The following PEG3 variants were observed in gnomAD, a reference collection of about 807,000 sequenced individuals.
PEG3 encodes paternally-expressed gene 3 protein.
Under a neutral mutation model 35.5 loss-of-function variants are expected in PEG3, and 23 were observed. That is an observed-to-expected ratio of 0.65 (90% CI 0.47 to 0.92). The LOEUF (loss-of-function observed/expected upper bound fraction) is 0.92. Ranked by LOEUF, PEG3 falls within the 40% of genes least tolerant of loss-of-function variation. PEG3 has a pLI of 0.00. For synonymous variants in PEG3, 707 were observed against 697.0 expected, an observed-to-expected ratio of 1.01 and a Z score of -0.23; for missense variants, 1,960 against 1,985.3, an observed-to-expected ratio of 0.99 and a Z score of 0.24.
At chr19:56,826,916 G>T (rs1347081649) in intron 2 of PEG3, among the ~76,000 whole-genome samples, 1 of 152,122 alleles carries the variant, frequency 6.6e-6, no homozygotes, top group Non-Finnish European at 1.5e-5. Context: ...TAACAGACAT[G>T]AATTGAAGCA....
chr19:56,827,047 A>G (rs552771142), intron 2 of PEG3, among the ~76,000 whole-genome samples: 2 of 152,326 alleles, frequency 1.3e-5, no homozygotes, highest in East Asian at 1.9e-4. Flanking sequence ...GCAGAGAAAA[A>G]TATGACCACT....
chr19:56,817,440 T>C lies in PEG3; in HGVS notation c.1002A>G (p.Ser334=). 3 of 1,614,136 alleles carry C rather than the reference T, an allele frequency of 1.9e-6. No homozygotes were observed. Among genetic ancestry groups the C allele is most frequent in the Non-Finnish European group, 2.5e-6 (3 of 1,179,974 alleles). The change falls in exon 10 of 10, where the codon TCA becomes TCG. Residue 334 remains serine, a synonymous_variant. Coordinates refer to ENST00000326441, the MANE Select transcript of PEG3 (RefSeq NM_006210.3). ...TGGGGAATCTCTGTGACCGGTCGCT[T>C]GACTCCCTTGCTCTTCCCGATTTGG... ...RSSKSGRARE[S]SDRSQRFPRM... is the part of the protein sequence containing the mutation.
intron 2 of PEG3, 148 bp downstream of exon 2, chr19:56,835,870 C>A (rs890564347): frequency 5.9e-6 from 2 of 341,224 alleles, no homozygotes; most frequent in Non-Finnish European, 1.2e-5. Flanking sequence ...ACACAATCCA[C>A]CAGAAGAGTC....
chr19:56,818,105 C>A (rs1412354337), intron 8 of PEG3, among the ~76,000 whole-genome samples: 1 of 152,214 alleles, frequency 6.6e-6, no homozygotes, highest in African/African-American at 2.4e-5. Context: ...TTTTAGTCTT[C>A]ACCTTCTTGT....
chr19:56,834,545 C>A, intron 2 of PEG3, among the ~76,000 whole-genome samples: 1 of 152,162 alleles, frequency 6.6e-6, no homozygotes, highest in East Asian at 1.9e-4. Context: ...AATTAATAAA[C>A]CAGAATTGTG....
intron 1 of PEG3, among the ~76,000 whole-genome samples, chr19:56,836,890 A>T (rs2062173506): frequency 6.7e-6 from 1 of 148,292 alleles, no homozygotes; most frequent in African/African-American, 2.5e-5. Context: ...GAATCACTTG[A>T]ACCCGGGAGG....
chr19:56,810,513 G>A lies in PEG3; in HGVS notation c.*3162C>T, dbSNP rs2048056841. 1.0e-5 allele frequency: 10 copies of A among 984,566 alleles called. No individual in the cohort carries two copies. The highest frequency in any genetic ancestry group is 1.2e-5 in the Non-Finnish European group (10 of 829,158). The allele number at this position is 984,566 out of a possible 1,614,324, so 61.0% of individuals were successfully genotyped here. ...TGTTAACAGTTAATTGTTGTTGGGT[G>A]TTGGGAATATGTGTGAATTTTCTTT... On this transcript the variant is annotated 3_prime_UTR_variant, in exon 10 of 10. Transcript: ENST00000326441.
chr19:56,835,922 G>A (rs970098497), intron 2 of PEG3, 96 bp downstream of exon 2: 4 of 444,316 alleles, frequency 9.0e-6, no homozygotes, highest in Non-Finnish European at 1.8e-5. Flanking sequence ...GGGTGGCTAT[G>A]TGGAACACAT....
intron 2 of PEG3, among the ~76,000 whole-genome samples, chr19:56,828,005 A>G (rs568156693): frequency 6.6e-6 from 1 of 152,076 alleles, no homozygotes; most frequent in African/African-American, 2.4e-5. Flanking sequence ...TTTTGTTTTT[A>G]TTTTTATTTT....
intron 6 of PEG3, 111 bp downstream of exon 6, chr19:56,822,642 A>G: frequency 6.9e-7 from 1 of 1,444,722 alleles, no homozygotes; most frequent in Non-Finnish European, 9.4e-7. Context: ...GAAGCGGAAT[A>G]TACTCCAAAT....
intron 2 of PEG3, 102 bp downstream of exon 2, chr19:56,835,916 G>A: frequency 2.3e-6 from 1 of 436,588 alleles, no homozygotes. Flanking sequence ...GTGCTGGGGT[G>A]GCTATGTGGA....
At position 56,836,097 on chromosome 19, in the gene PEG3, A is replaced by C; in HGVS notation, c.-242T>G. 1 of 486,622 alleles carries C rather than the reference A, an allele frequency of 2.1e-6. No individual in the cohort carries two copies. The highest frequency in any genetic ancestry group is 4.1e-6 in the Non-Finnish European group (1 of 243,378). 30.1% of individuals were successfully genotyped at this position (486,622 alleles called of 1,614,324 possible). ...CTCCAAGAAGGACGGAAGATCAAGA[A>C]GGCAAAGCTGTAGAGGAAAAGAAAA... On this transcript the variant is annotated 5_prime_UTR_variant, in exon 2 of 10. Coordinates refer to ENST00000326441, the MANE Select transcript of PEG3 (RefSeq NM_006210.3).
intron 1 of PEG3, among the ~76,000 whole-genome samples, chr19:56,839,782 G>A (rs939379384): frequency 2.0e-5 from 3 of 151,986 alleles, no homozygotes; most frequent in African/African-American, 7.3e-5. Context: ...GCGCCTGCGC[G>A]GCAAACCTCA....
chr19:56,829,166 C>T (rs1049753086), intron 2 of PEG3, among the ~76,000 whole-genome samples: 9 of 152,008 alleles, frequency 5.9e-5, no homozygotes, highest in Admixed American at 3.9e-4. Context: ...GCCTGGCCAA[C>T]GTGGTGAAAC....
intron 2 of PEG3, among the ~76,000 whole-genome samples, chr19:56,828,268 TA>T (rs1482347132): frequency 6.6e-6 from 1 of 152,170 alleles, no homozygotes; most frequent in Non-Finnish European, 1.5e-5. Flanking sequence ...TAGAAAACCC[TA>T]AAGAATCAAC....
Position 56,816,261 on chromosome 19 carries a change from T to C in PEG3, c.2181A>G (p.Pro727=), listed in dbSNP as rs758206626. The C allele has an allele frequency of 2.5e-6, 4 of 1,614,008 alleles. No homozygotes were observed. The highest frequency in any genetic ancestry group is 2.5e-6 in the Non-Finnish European group (3 of 1,179,846). Residue 727 remains proline, a synonymous_variant, in exon 10 of 10, where the codon CCA becomes CCG. Coordinates refer to ENST00000326441, the MANE Select transcript of PEG3 (RefSeq NM_006210.3). ...GYEKSVIHSG[P]FTESQKSHTI... ...TATGACTCTTCTGAGATTCAGTGAA[T>C]GGCCCACTATGAATGACAGATTTCT...
rs932821044 is a variant in PEG3, at chr19:56,813,311, G to T, written c.*364C>A. 1 of 959,486 alleles carries T rather than the reference G, an allele frequency of 1.0e-6. No homozygotes were observed. Among genetic ancestry groups the T allele is most frequent in the Non-Finnish European group, 1.3e-6 (1 of 797,716 alleles). The allele number at this position is 959,486 out of a possible 1,614,324, so 59.4% of individuals were successfully genotyped here. ...TGTGATCACTGTTCTGTCATAATTT[G>T]CTATTTTATATACACCTCATGAAAC... On this transcript the variant is annotated 3_prime_UTR_variant, in exon 10 of 10. Coordinates refer to ENST00000326441, the MANE Select transcript of PEG3 (RefSeq NM_006210.3).
Position 56,815,935 on chromosome 19 carries a change from T to G in PEG3, c.2507A>C (p.His836Pro), listed in dbSNP as rs2146184323. The change falls in exon 10 of 10, where the codon CAT (histidine) becomes CCT (proline). Residue 836 changes from histidine to proline, a missense_variant. By Grantham distance (77) the His-to-Pro change is moderately conservative. Coordinates refer to ENST00000326441, the MANE Select transcript of PEG3 (RefSeq NM_006210.3). ...TGGAGGTTTGGAAGCCACTAAGCTATGGATAACAGACCTACTGTATTCCCT... is the reference window on the plus strand; with the variant it reads ...TGGAGGTTTGGAAGCCACTAAGCTAGGGATAACAGACCTACTGTATTCCCT... ...EGREYSRSVIHSLVASKPPRS... is the reference protein window; with the variant it reads ...EGREYSRSVIPSLVASKPPRS... 1 of 1,605,294 alleles carries G rather than the reference T, an allele frequency of 6.2e-7. No homozygotes were observed.
At chr19:56,820,443 A>G (rs2060371740) in intron 7 of PEG3, among the ~76,000 whole-genome samples, 1 of 152,184 alleles carries the variant, frequency 6.6e-6, no homozygotes, top group South Asian at 2.1e-4. Context: ...TTAAAAAGCA[A>G]AACAAGACAA....
Sources: gnomAD v4.1 joint callset for allele counts (sites outside exome capture counted in the v4.1 genomes callset) on GRCh38, gnomAD v4.1.1 for gene constraint, MANE v1.5 for transcripts, NCBI Gene and HGNC (gene_info 2026-07-23, HGNC 2026-07-21) for gene names.